SFMBT1: variants seen among roughly 807,000 people sequenced by gnomAD.
SFMBT1 encodes the protein Scm like with four mbt domains 1, also known as scm-like with four MBT domains protein 1.
In SFMBT1, 32 loss-of-function variants were observed where a neutral mutation model predicts 108.7. The ratio of observed to expected loss-of-function variants is 0.29; its 90% confidence interval spans 0.22 to 0.40. SFMBT1 has a LOEUF of 0.40. Ranked by LOEUF, SFMBT1 falls within the 10% of genes least tolerant of loss-of-function variation. The probability of loss-of-function intolerance (pLI) is 1.00; values close to 1 mark genes in which losing one functional copy is unlikely to be tolerated. For missense variants in SFMBT1, 816 were observed against 1,059.6 expected, an observed-to-expected ratio of 0.77 and a Z score of 3.19; for synonymous variants, 348 against 369.5, an observed-to-expected ratio of 0.94 and a Z score of 0.67.
At chr3:52,917,030 T>A (rs1182750693) in intron 13 of SFMBT1, among the ~76,000 whole-genome samples, 3 of 152,210 alleles carry the variant, frequency 2.0e-5, no homozygotes, top group Non-Finnish European at 4.4e-5. Flanking sequence ...GGCTAATTTA[T>A]CTTTTAGAAT....
At chr3:53,037,080 T>C (rs1699892190) in intron 1 of SFMBT1, among the ~76,000 whole-genome samples, 1 of 152,196 alleles carries the variant, frequency 6.6e-6, no homozygotes, top group Non-Finnish European at 1.5e-5. Flanking sequence ...AGCACTCCTG[T>C]CAGACAAAGT....
chr3:53,008,880 C>A (rs1187309888), intron 1 of SFMBT1, among the ~76,000 whole-genome samples: 2 of 151,942 alleles, frequency 1.3e-5, no homozygotes, highest in East Asian at 3.9e-4. Flanking sequence ...CATGATGTGC[C>A]CACCTCGGCC....
At chr3:53,018,376 T>C (rs1261314526) in intron 1 of SFMBT1, 3 of 152,256 alleles carry the variant, frequency 2.0e-5, no homozygotes, top group African/African-American at 7.2e-5. Context: ...GTTTTCATCC[T>C]TCAGAGAAAG....
At chr3:53,012,913 G>C (rs1013609606) in intron 1 of SFMBT1, among the ~76,000 whole-genome samples, 1 of 151,522 alleles carries the variant, frequency 6.6e-6, no homozygotes, top group Non-Finnish European at 1.5e-5. Flanking sequence ...ACTGATTGGA[G>C]CATATTTCAC....
intron 10 of SFMBT1, among the ~76,000 whole-genome samples, chr3:52,922,914 A>C (rs867907916): frequency 2.4e-4 from 36 of 152,190 alleles, no homozygotes; most frequent in African/African-American, 7.5e-4. Context: ...AGGGGACTAG[A>C]AGATACTTCT....
chr3:52,907,647 T>A lies in SFMBT1; in HGVS notation c.1993A>T (p.Ser665Cys). 2 of 1,614,230 alleles carry A rather than the reference T, an allele frequency of 1.2e-6. No individual in the cohort carries two copies. The highest frequency in any genetic ancestry group is 1.7e-6 in the Non-Finnish European group (2 of 1,180,044). Reference protein sequence around the residue: ...SNLACALKKASKRRKRRKNVF... With the variant: ...SNLACALKKACKRRKRRKNVF... ...TTTTTCCGCCTCTTTCTCCTCTTACTGGCTTTTTTCAGGGCACAAGCTAAG... is the reference window on the plus strand; with the variant it reads ...TTTTTCCGCCTCTTTCTCCTCTTACAGGCTTTTTTCAGGGCACAAGCTAAG... Residue 665 changes from serine to cysteine, a missense_variant, in exon 18 of 21, where the codon AGT becomes TGT. Ser to Cys is a moderately radical substitution (Grantham distance 112). Coordinates refer to ENST00000394752, the MANE Select transcript of SFMBT1 (RefSeq NM_016329.4).
chr3:52,921,568 A>C, intron 11 of SFMBT1, 137 bp downstream of exon 11: 1 of 910,812 alleles, frequency 1.1e-6, no homozygotes. Context: ...TTTCGCTTAG[A>C]GTCTTGCATT....
intron 1 of SFMBT1, among the ~76,000 whole-genome samples, chr3:52,992,071 C>T (rs114545144): frequency 0.015 from 2,325 of 152,280 alleles, 31 homozygotes; most frequent in Non-Finnish European, 0.02. Context: ...TAAGCAGCTC[C>T]GCCACAAAGC....
At chr3:53,024,258 T>C (rs575871065) in intron 1 of SFMBT1, among the ~76,000 whole-genome samples, 22 of 151,924 alleles carry the variant, frequency 1.4e-4, no homozygotes, top group Non-Finnish European at 2.6e-4. Flanking sequence ...GCCTGTTCTA[T>C]GAAATTTTAG....
intron 1 of SFMBT1, among the ~76,000 whole-genome samples, chr3:53,013,735 TCTC>T (rs1699034661): frequency 6.8e-6 from 1 of 146,248 alleles, no homozygotes; most frequent in Non-Finnish European, 1.5e-5. Flanking sequence ...TTCAAGCGAT[TCTC>T]CTGTCTCAGC....
rs991214145 is a variant in SFMBT1 at position 53,045,864 on chromosome 3, C to T, written c.-179G>A. ...GCTCGCTCGATCGCTCGCTTTTCCC[C>T]CTCTCGCGCTCGTTTTCTTTCTTTC... is the stretch of plus-strand genomic sequence containing the variant. On this transcript the variant is annotated 5_prime_UTR_variant, in exon 1 of 21. Coordinates refer to ENST00000394752, the MANE Select transcript of SFMBT1 (RefSeq NM_016329.4). The T allele has an allele frequency of 1.3e-5, 2 of 150,548 alleles. No individual in the cohort carries two copies. Among genetic ancestry groups the T allele is most frequent in the African/African-American group, 4.9e-5 (2 of 41,094 alleles). 9.3% of individuals were successfully genotyped at this position (150,548 alleles called of 1,614,324 possible). A position where few individuals can be genotyped will look rare whatever the true frequency, so the allele number is the denominator to read the frequency against.
intron 2 of SFMBT1, among the ~76,000 whole-genome samples, chr3:52,967,821 A>G (rs1235552267): frequency 6.6e-6 from 1 of 152,208 alleles, no homozygotes; most frequent in Non-Finnish European, 1.5e-5. Context: ...TAATGACAAC[A>G]CCAGATAGCA....
intron 1 of SFMBT1, among the ~76,000 whole-genome samples, chr3:53,044,581 T>A (rs766400236): frequency 2.0e-5 from 3 of 152,170 alleles, no homozygotes; most frequent in Non-Finnish European, 2.9e-5. Context: ...TCTCGCCAGT[T>A]GACAAATTAA....
chr3:52,904,994 T>A lies in SFMBT1; in HGVS notation c.*142A>T, dbSNP rs1355304451. The A allele has an allele frequency of 1.1e-5, 12 of 1,141,374 alleles. No individual in the cohort carries two copies. Among genetic ancestry groups the A allele is most frequent in the Non-Finnish European group, 1.3e-5 (11 of 831,022 alleles). The allele number at this position is 1,141,374 out of a possible 1,614,324, so 70.7% of individuals were successfully genotyped here. On this transcript the variant is annotated 3_prime_UTR_variant, in exon 21 of 21. Coordinates refer to ENST00000394752, the MANE Select transcript of SFMBT1 (RefSeq NM_016329.4). ...GTTTTTGCTTCCTCACTGTGAGTCC[T>A]CCTTCCCCGAAAGTGCAAAGAGAGC...
At chr3:52,985,542 T>C (rs1575419941) in intron 1 of SFMBT1, among the ~76,000 whole-genome samples, 1 of 152,250 alleles carries the variant, frequency 6.6e-6, no homozygotes, top group African/African-American at 2.4e-5. Flanking sequence ...GCTTAACTCA[T>C]ACAATGATAA....
At chr3:52,953,796 G>C (rs1342673057) in intron 3 of SFMBT1, among the ~76,000 whole-genome samples, 1 of 152,166 alleles carries the variant, frequency 6.6e-6, no homozygotes, top group Non-Finnish European at 1.5e-5. Context: ...GTCATGCATT[G>C]AGTAGCAGAA....
chr3:52,951,792 TC>T (rs1703603794), intron 3 of SFMBT1, among the ~76,000 whole-genome samples: 1 of 152,212 alleles, frequency 6.6e-6, no homozygotes, highest in African/African-American at 2.4e-5. Context: ...GGCCAGGTGT[TC>T]CTTGCCCTCA....
intron 2 of SFMBT1, among the ~76,000 whole-genome samples, chr3:52,967,223 A>G (rs1704177969): frequency 6.6e-6 from 1 of 152,124 alleles, no homozygotes; most frequent in South Asian, 2.1e-4. Flanking sequence ...TATAAATGGT[A>G]TACATACATC....
chr3:52,943,482 A>G lies in SFMBT1; in HGVS notation c.235T>C (p.Leu79=). Residue 79 remains leucine, a synonymous_variant, in exon 4 of 21, where the codon TTG becomes CTG. Coordinates refer to ENST00000394752, the MANE Select transcript of SFMBT1 (RefSeq NM_016329.4). ...TAGCCATCATAGCGGAGAAGGAGCA[A>G]CTGCTCACAGGTAGTGATAACGGTG... The part of the protein sequence containing the change: ...VATVITTCEQ[L]LLLRYDGYGE... 1 of 1,614,196 alleles carries G rather than the reference A, an allele frequency of 6.2e-7. No individual in the cohort carries two copies.
Sources: allele counts gnomAD v4.1 joint callset (sites outside exome capture counted in the v4.1 genomes callset), GRCh38; gene constraint gnomAD v4.1.1; transcripts MANE v1.5; gene names NCBI Gene and HGNC (gene_info 2026-07-23, HGNC 2026-07-21).